The following ARID4B variants were observed in gnomAD, a reference collection of about 807,000 sequenced individuals.
ARID4B encodes AT-rich interactive domain-containing protein 4B.
A neutral mutation model predicts 147.5 loss-of-function variants in ARID4B; 26 were observed. The ratio of observed to expected loss-of-function variants is 0.18; its 90% CI spans 0.13 to 0.24. The LOEUF (loss-of-function observed/expected upper bound fraction) is 0.24. Among genes scored for constraint, ARID4B ranks in the 10% least tolerant of loss-of-function variants. ARID4B has a pLI of 1.00. For synonymous variants in ARID4B, 512 were observed against 507.9 expected, an observed-to-expected ratio of 1.01 and a Z score of -0.11; for missense variants, 1,179 against 1,511.5, an observed-to-expected ratio of 0.78 and a Z score of 3.65.
chr1:235,281,737 A>G (rs563781883), intron 2 of ARID4B, among the ~76,000 whole-genome samples: 3 of 152,296 alleles, frequency 2.0e-5, no homozygotes, highest in Admixed American at 6.5e-5. Context: ...AACAAAAAAC[A>G]AAGGGAGCAG....
intron 2 of ARID4B, among the ~76,000 whole-genome samples, chr1:235,312,699 C>T (rs1674148297): frequency 6.6e-6 from 1 of 152,074 alleles, no homozygotes. Flanking sequence ...TGGGGCTGGG[C>T]GTGGTGGCTC....
intron 7 of ARID4B, among the ~76,000 whole-genome samples, chr1:235,245,646 T>C (rs929733466): frequency 6.6e-6 from 1 of 152,230 alleles, no homozygotes; most frequent in African/African-American, 2.4e-5. Flanking sequence ...TATATATACA[T>C]GTAAACACAT....
rs767176715 is a variant in ARID4B at position 235,236,828 on chromosome 1, T to TAAAAAAAA, written c.586-2337_586-2336insTTTTTTTT. Among the ~76,000 whole-genome samples the TAAAAAAAA allele has an allele frequency of 4.0e-3, 186 of 46,206 alleles. 1 individual carries two copies. Among genetic ancestry groups the TAAAAAAAA allele is most frequent in the East Asian group, 0.02 (12 of 594 alleles). The allele number at this position is 46,206 out of a possible 152,430, so 30.3% of individuals were successfully genotyped here. On this transcript the variant is annotated intron_variant, in intron 8 of 23. Coordinates refer to ENST00000264183, the MANE Select transcript of ARID4B (RefSeq NM_016374.6). ...GCGCCTGGCCCACAAAACGGTTTTA[T>TAAAAAAAA]AAAAAATATATATATATATATATAT...
At chr1:235,301,805 C>T (rs1485082995) in intron 2 of ARID4B, among the ~76,000 whole-genome samples, 1 of 151,802 alleles carries the variant, frequency 6.6e-6, no homozygotes, top group Non-Finnish European at 1.5e-5. Context: ...ACCTCTGCCT[C>T]CCAAGTTCAA....
chr1:235,242,247 C>CA (rs68058640), intron 7 of ARID4B, among the ~76,000 whole-genome samples: 146 of 127,214 alleles, frequency 1.1e-3, no homozygotes, highest in East Asian at 8.2e-3. Flanking sequence ...GACTCCGTCT[C>CA]AAAAAAAAAA....
intron 3 of ARID4B, among the ~76,000 whole-genome samples, chr1:235,257,547 A>G (rs2103110146): frequency 6.6e-6 from 1 of 151,706 alleles, no homozygotes; most frequent in South Asian, 2.1e-4. Flanking sequence ...CAGTAGCGCA[A>G]TCTTGGCTCA....
chr1:235,311,532 G>C lies in ARID4B; in HGVS notation c.6+15382C>G, dbSNP rs149169900. On this transcript the variant is annotated intron_variant, in intron 2 of 23. Transcript: ENST00000264183. The stretch of plus-strand genomic sequence containing the variant: ...GCACAGTGGCTCACACCTGTACTTT[G>C]GGAGGTCGAGGCAGGCAGATCACTT... Among the ~76,000 whole-genome samples, 7 of 152,142 alleles carry C rather than the reference G, an allele frequency of 4.6e-5. No homozygotes were observed. The East Asian group carries it at 1.2e-3, about 25-fold the overall frequency.
intron 19 of ARID4B, among the ~76,000 whole-genome samples, chr1:235,190,361 A>G (rs1665010243): frequency 6.6e-6 from 1 of 151,958 alleles, no homozygotes; most frequent in Non-Finnish European, 1.5e-5. Flanking sequence ...GGCAGGAGAA[A>G]CACTTGAACC....
At chr1:235,225,975 G>C (rs2103036408) in intron 11 of ARID4B, among the ~76,000 whole-genome samples, 1 of 152,138 alleles carries the variant, frequency 6.6e-6, no homozygotes, top group East Asian at 1.9e-4. Context: ...TTCAGGTTTT[G>C]GTAAGGTGAT....
chr1:235,249,864 C>A lies in ARID4B; in HGVS notation c.354+2866G>T, dbSNP rs1019152070. Among the ~76,000 whole-genome samples, 4 of 149,892 alleles carry A rather than the reference C, an allele frequency of 2.7e-5. No homozygotes were observed. The South Asian group carries it at 6.3e-4, about 24-fold the overall frequency. ...CTGAGGCAGGAGAATCACTTGAACA[C>A]GGGAGGCAGAGGTTGCAGTGAGCCG... is the stretch of plus-strand genomic sequence containing the variant. On this transcript the variant is annotated intron_variant, in intron 6 of 23. Transcript: ENST00000264183.
At chr1:235,200,503 C>T (rs1274601126) in intron 17 of ARID4B, among the ~76,000 whole-genome samples, 1 of 151,974 alleles carries the variant, frequency 6.6e-6, no homozygotes, top group Non-Finnish European at 1.5e-5. Flanking sequence ...CATGAAAACC[C>T]CATATTTCCT....
intron 15 of ARID4B, 146 bp downstream of exon 15, chr1:235,220,155 TA>T: frequency 1.1e-6 from 1 of 869,744 alleles, no homozygotes; most frequent in Non-Finnish European, 1.6e-6. Context: ...GAAGTTATGA[TA>T]AAAATTATAC....
intron 13 of ARID4B, among the ~76,000 whole-genome samples, 185 bp downstream of exon 13, chr1:235,222,981 C>A (rs1352071228): frequency 6.6e-6 from 1 of 151,772 alleles, no homozygotes; most frequent in Non-Finnish European, 1.5e-5. Flanking sequence ...CCATGCCTGG[C>A]CTAAAAAATC....
chr1:235,222,181 A>C (rs954502667), intron 13 of ARID4B, among the ~76,000 whole-genome samples: 5 of 152,024 alleles, frequency 3.3e-5, no homozygotes, highest in Admixed American at 6.5e-5. Context: ...CAAAGTGCTG[A>C]GATTACAGGC....
intron 2 of ARID4B, among the ~76,000 whole-genome samples, chr1:235,314,649 G>A (rs1210981187): frequency 1.3e-5 from 2 of 151,836 alleles, no homozygotes; most frequent in African/African-American, 2.4e-5. Flanking sequence ...CTAAGTAGCA[G>A]GAAAAGAAAG....
chr1:235,254,064 T>A (rs1402374311), intron 5 of ARID4B, among the ~76,000 whole-genome samples: 1 of 152,182 alleles, frequency 6.6e-6, no homozygotes, highest in African/African-American at 2.4e-5. Flanking sequence ...ATATACAACA[T>A]AAGTGTCACA....
At chr1:235,278,070 G>C (rs983660042) in intron 2 of ARID4B, among the ~76,000 whole-genome samples, 3 of 152,090 alleles carry the variant, frequency 2.0e-5, no homozygotes, top group Non-Finnish European at 4.4e-5. Context: ...CAAGTAGAAA[G>C]GGCCATGCTA....
intron 2 of ARID4B, among the ~76,000 whole-genome samples, chr1:235,318,892 T>G (rs4659492): frequency 0.29 from 44,489 of 151,728 alleles, 7,659 homozygotes; most frequent in South Asian, 0.53. Context: ...AAAAAAAAAT[T>G]TAGATTAGTT....
chr1:235,279,132 C>G (rs185941632), intron 2 of ARID4B, among the ~76,000 whole-genome samples: 1 of 152,064 alleles, frequency 6.6e-6, no homozygotes, highest in African/African-American at 2.4e-5. Context: ...CCAGACATTC[C>G]GAATTAGAAA....
Sources: gnomAD v4.1 joint callset for allele counts (sites outside exome capture counted in the v4.1 genomes callset) on GRCh38, gnomAD v4.1.1 for gene constraint, MANE v1.5 for transcripts, NCBI Gene and HGNC (gene_info 2026-07-23, HGNC 2026-07-21) for gene names.